Variants in KIAA0319L observed in about 807,000 individuals in gnomAD.
The protein encoded by KIAA0319L is dyslexia-associated protein KIAA0319-like protein.
KIAA0319L carries 55 observed loss-of-function variants against 120.1 expected under a neutral mutation model. The ratio of observed to expected loss-of-function variants is 0.46; its 90% CI spans 0.37 to 0.57. The LOEUF (loss-of-function observed/expected upper bound fraction) is 0.57, where lower values mean the gene tolerates loss of function less well. KIAA0319L is among the 20% of genes least tolerant of loss of function. The pLI, the probability that KIAA0319L is intolerant of heterozygous loss-of-function variation, is 0.00. For synonymous variants in KIAA0319L, 398 were observed against 471.9 expected (o/e 0.84, Z 2.03); for missense variants, 1,049 against 1,255.3 (o/e 0.84, Z 2.48).
chr1:35,535,349 G>A lies in KIAA0319L; in HGVS notation c.142+19001C>T, dbSNP rs139233302. On this transcript the variant is annotated intron_variant, in intron 2 of 20. Transcript: ENST00000325722. ...CCCTCATAACATTGAGTTGAAATTT[G>A]TTTTCAAACAAAATCCCCTATCAAG... Among the ~76,000 whole-genome samples the A allele has an allele frequency of 2.6e-4, 40 of 152,152 alleles. 1 individual carries two copies. Among genetic ancestry groups the A allele is most frequent in the Middle Eastern group, 3.4e-3 (1 of 294 alleles).
intron 2 of KIAA0319L, among the ~76,000 whole-genome samples, chr1:35,534,578 G>T (rs1259186663): frequency 2.6e-5 from 4 of 152,184 alleles, no homozygotes; most frequent in Non-Finnish European, 5.9e-5. Context: ...AACAATCGGT[G>T]GCCGGGCGCA....
chr1:35,553,659 T>A (rs1647490283), intron 2 of KIAA0319L, among the ~76,000 whole-genome samples: 1 of 152,214 alleles, frequency 6.6e-6, no homozygotes, highest in Non-Finnish European at 1.5e-5. Context: ...TTTCTCATAT[T>A]GCTGTTTTCT....
intron 2 of KIAA0319L, among the ~76,000 whole-genome samples, chr1:35,508,769 T>A (rs1488371591): frequency 2.0e-5 from 3 of 152,222 alleles, no homozygotes; most frequent in Non-Finnish European, 4.4e-5. Flanking sequence ...TATCAGTAAC[T>A]ACTATTTTTA....
chr1:35,533,521 C>T (rs1439112746), intron 2 of KIAA0319L: 2 of 152,184 alleles, frequency 1.3e-5, no homozygotes, highest in African/African-American at 4.8e-5. Context: ...AGCTAAAATT[C>T]TTTTCTTGAA....
At chr1:35,522,722 A>G (rs1047590412) in intron 2 of KIAA0319L, among the ~76,000 whole-genome samples, 1 of 152,006 alleles carries the variant, frequency 6.6e-6, no homozygotes, top group Non-Finnish European at 1.5e-5. Context: ...CATAACTTAA[A>G]AAGATCTTGT....
intron 2 of KIAA0319L, among the ~76,000 whole-genome samples, chr1:35,513,267 C>CATATATATATATATATATATATAT (rs1189085625): frequency 9.3e-6 from 1 of 107,462 alleles, no homozygotes; most frequent in African/African-American, 3.7e-5. Context: ...ATCTATATAA[C>CATATATATATATATATATATATAT]ATATATATAT....
chr1:35,472,367 C>T (rs1643677084), intron 5 of KIAA0319L, among the ~76,000 whole-genome samples: 2 of 152,302 alleles, frequency 1.3e-5, no homozygotes, highest in African/African-American at 2.4e-5. Context: ...TCTCAGCTCA[C>T]TGCAACCTCT....
At chr1:35,489,670 G>GT (rs774142930) in intron 3 of KIAA0319L, among the ~76,000 whole-genome samples, 7,332 of 142,502 alleles carry the variant, frequency 0.051, 386 homozygotes, top group African/African-American at 0.13. Flanking sequence ...GTTTCTTTGG[G>GT]TTTTTTTTTT....
At chr1:35,475,570 G>A (rs1265515756) in intron 4 of KIAA0319L, among the ~76,000 whole-genome samples, 1 of 151,818 alleles carries the variant, frequency 6.6e-6, no homozygotes, top group African/African-American at 2.4e-5. Flanking sequence ...CAAATTCCTG[G>A]GCTCAAGCGA....
Position 35,506,770 on chromosome 1 carries a change from G to C in KIAA0319L, c.508C>G (p.Leu170Val). Reference protein sequence around the residue: ...SWRQSPPRAALRPAVSSSDQQ... With the variant: ...SWRQSPPRAAVRPAVSSSDQQ... The stretch of plus-strand genomic sequence containing the variant: ...TCACTGGAAGATACAGCAGGTCTGA[G>C]TGCAGCTCTGGGTGGGCTCTGCCTC... The change falls in exon 3 of 21, where the codon CTC becomes GTC. Residue 170 changes from leucine to valine, a missense_variant. Leu to Val is a conservative substitution (Grantham distance 32). Transcript: ENST00000325722. The surrounding 1 kb of genome is among the most constrained non-coding windows in gnomAD (Gnocchi z 4.0). 1 of 1,614,218 alleles carries C rather than the reference G, an allele frequency of 6.2e-7. No homozygotes were observed. The highest frequency in any genetic ancestry group is 8.5e-7 in the Non-Finnish European group (1 of 1,180,034).
chr1:35,541,817 C>CTCTCACGACT (rs1465874229), intron 2 of KIAA0319L, among the ~76,000 whole-genome samples: 1 of 152,158 alleles, frequency 6.6e-6, no homozygotes, highest in African/African-American at 2.4e-5. Context: ...AAGGTGGAGT[C>CTCTCACGACT]GTGGCAGCAG....
rs1182663148 is a variant in KIAA0319L, at chr1:35,444,322, G to T, written c.2514-19C>A. 1 of 1,581,928 alleles carries T rather than the reference G, an allele frequency of 6.3e-7. No individual in the cohort carries two copies. The highest frequency in any genetic ancestry group is 8.6e-7 in the Non-Finnish European group (1 of 1,164,662). Reference sequence around the variant, plus strand: ...TTTGGTGCTGCAGAGACATGCAACAGTACTAATGAGCTGAAGCGGTCCATA... The same window carrying T: ...TTTGGTGCTGCAGAGACATGCAACATTACTAATGAGCTGAAGCGGTCCATA... On this transcript the variant is annotated intron_variant, in intron 16 of 20. Coordinates refer to ENST00000325722, the MANE Select transcript of KIAA0319L (RefSeq NM_024874.5).
At chr1:35,477,020 C>T (rs1643916921) in intron 4 of KIAA0319L, among the ~76,000 whole-genome samples, 3 of 149,026 alleles carry the variant, frequency 2.0e-5, no homozygotes, top group African/African-American at 7.4e-5. Context: ...CTGGTCTGAG[C>T]AAAAAAAAAA....
chr1:35,501,996 C>T (rs760893243), intron 3 of KIAA0319L, among the ~76,000 whole-genome samples: 4 of 150,364 alleles, frequency 2.7e-5, no homozygotes, highest in African/African-American at 4.9e-5. Flanking sequence ...AAAACAGGAA[C>T]GGGCAGGCAC....
chr1:35,488,949 T>G (rs1644487293), intron 3 of KIAA0319L, among the ~76,000 whole-genome samples: 1 of 152,050 alleles, frequency 6.6e-6, no homozygotes, highest in African/African-American at 2.4e-5. Flanking sequence ...TATTTCTAGA[T>G]AAAAAGGAAG....
intron 2 of KIAA0319L, among the ~76,000 whole-genome samples, chr1:35,543,544 T>C (rs1646870853): frequency 6.6e-6 from 1 of 152,150 alleles, no homozygotes; most frequent in Non-Finnish European, 1.5e-5. Flanking sequence ...GACCAATGCA[T>C]ATTCAAAATA....
chr1:35,494,557 G>A (rs1464640928), intron 3 of KIAA0319L, among the ~76,000 whole-genome samples: 1 of 152,114 alleles, frequency 6.6e-6, no homozygotes, highest in Non-Finnish European at 1.5e-5. Flanking sequence ...CAGCTTGGGA[G>A]GCTGAGGTAG....
intron 16 of KIAA0319L, among the ~76,000 whole-genome samples, chr1:35,446,688 C>T (rs1357866066): frequency 6.6e-6 from 1 of 152,234 alleles, no homozygotes; most frequent in Non-Finnish European, 1.5e-5. Flanking sequence ...TTTCCTCCCA[C>T]CTGATTGCTG....
At chr1:35,539,644 T>C (rs1268565598) in intron 2 of KIAA0319L, among the ~76,000 whole-genome samples, 1 of 152,214 alleles carries the variant, frequency 6.6e-6, no homozygotes, top group Non-Finnish European at 1.5e-5. Flanking sequence ...ATTACTCAAC[T>C]TTCTGAGATG....
Sources: gnomAD v4.1 joint callset for allele counts (sites outside exome capture counted in the v4.1 genomes callset) on GRCh38, gnomAD v4.1.1 for gene constraint, Gnocchi (gnomAD v3.1) non-coding constraint, MANE v1.5 for transcripts, NCBI Gene and HGNC (gene_info 2026-07-23, HGNC 2026-07-21) for gene names.